The following MARCHF5 variants were observed in gnomAD, a reference collection of about 807,000 sequenced individuals.
The protein encoded by MARCHF5 is E3 ubiquitin-protein ligase MARCHF5.
MARCHF5 carries 5 observed loss-of-function variants against 36.5 expected under a neutral mutation model. The observed-to-expected ratio is 0.14, with a 90% CI of 0.07 to 0.29. MARCHF5 has a LOEUF of 0.29. MARCHF5 is among the 10% of genes least tolerant of loss of function. The pLI is 1.00. For missense variants in MARCHF5, 179 were observed against 336.3 expected (o/e 0.53, Z 3.66); for synonymous variants, 103 against 109.9 (o/e 0.94, Z 0.39).
intron 2 of MARCHF5, among the ~76,000 whole-genome samples, chr10:92,339,165 C>G (rs6583809): frequency 6.6e-6 from 1 of 152,104 alleles, no homozygotes; most frequent in African/African-American, 2.4e-5. Context: ...AGGTCGGGAG[C>G]TCAAGACCAA....
intron 1 of MARCHF5, among the ~76,000 whole-genome samples, chr10:92,307,531 G>C (rs1843090709): frequency 6.6e-6 from 1 of 152,002 alleles, no homozygotes; most frequent in South Asian, 2.1e-4. Flanking sequence ...TTTGAGACTG[G>C]TCTAGGCAAC....
At chr10:92,303,585 T>C (rs1023322470) in intron 1 of MARCHF5, among the ~76,000 whole-genome samples, 2 of 152,150 alleles carry the variant, frequency 1.3e-5, no homozygotes, top group Non-Finnish European at 2.9e-5. Flanking sequence ...GTTCCTTACA[T>C]GTAGTTCCTT....
intron 3 of MARCHF5, among the ~76,000 whole-genome samples, chr10:92,346,558 G>A (rs1015640486): frequency 7.6e-6 from 1 of 131,808 alleles, no homozygotes; most frequent in African/African-American, 2.8e-5. Flanking sequence ...GTGCAATCTC[G>A]GCTCACTGCA....
chr10:92,324,469 C>G (rs750871260), intron 2 of MARCHF5, among the ~76,000 whole-genome samples: 2 of 152,188 alleles, frequency 1.3e-5, no homozygotes, highest in African/African-American at 2.4e-5. Context: ...TCATGCCATT[C>G]TCCTGCCTCA....
intron 1 of MARCHF5, among the ~76,000 whole-genome samples, chr10:92,297,563 A>G (rs1042093114): frequency 1.5e-5 from 2 of 134,460 alleles, no homozygotes; most frequent in Non-Finnish European, 3.0e-5. Flanking sequence ...GTCTCGGCTC[A>G]CTGTTGCAAC....
At chr10:92,294,082 C>A (rs1301460486) in intron 1 of MARCHF5, among the ~76,000 whole-genome samples, 2 of 152,098 alleles carry the variant, frequency 1.3e-5, no homozygotes, top group Admixed American at 6.6e-5. Context: ...TAGGGTAGAG[C>A]CTGGGCATCT....
chr10:92,333,731 G>T, intron 2 of MARCHF5: 1 of 793,978 alleles, frequency 1.3e-6, no homozygotes, highest in Non-Finnish European at 1.5e-6. Flanking sequence ...TGAGAAGTTG[G>T]ATTTTTATAC....
chr10:92,315,980 A>C (rs1456742727), intron 2 of MARCHF5, among the ~76,000 whole-genome samples: 1 of 152,238 alleles, frequency 6.6e-6, no homozygotes, highest in African/African-American at 2.4e-5. Context: ...TTTGTGATCA[A>C]AACTTTTATC....
chr10:92,323,967 G>C (rs976984477), intron 2 of MARCHF5, among the ~76,000 whole-genome samples: 1 of 152,220 alleles, frequency 6.6e-6, no homozygotes, highest in African/African-American at 2.4e-5. Flanking sequence ...AGTTTTGTAA[G>C]AAGCCTTGAA....
rs775736039 is a variant in MARCHF5 at position 92,349,337 on chromosome 10, T to C, written c.370-12T>C. ...AAAGAAGTAATTCTAATATATGCTA[T>C]CTGTTTCACAGGTTGTAGGTCATAA... On this transcript the variant is annotated splice_polypyrimidine_tract_variant and intron_variant, in intron 3 of 5. Coordinates refer to ENST00000358935, the MANE Select transcript of MARCHF5 (RefSeq NM_017824.5). The C allele has an allele frequency of 4.4e-6, 7 of 1,580,022 alleles. No individual in the cohort carries two copies. Among genetic ancestry groups the C allele is most frequent in the African/African-American group, 4.1e-5 (3 of 73,568 alleles).
chr10:92,343,074 T>C (rs1843597690), intron 3 of MARCHF5, among the ~76,000 whole-genome samples: 1 of 152,218 alleles, frequency 6.6e-6, no homozygotes, highest in Non-Finnish European at 1.5e-5. Context: ...AACCACTGAC[T>C]TGAACTTTAG....
At chr10:92,306,436 G>A (rs1843073504) in intron 1 of MARCHF5, among the ~76,000 whole-genome samples, 2 of 152,150 alleles carry the variant, frequency 1.3e-5, no homozygotes, top group African/African-American at 4.8e-5. Flanking sequence ...AGGGAAGAGC[G>A]ATTTTCCATA....
At chr10:92,347,516 A>AGATGGAT (rs879847459) in intron 3 of MARCHF5, among the ~76,000 whole-genome samples, 2 of 44,882 alleles carry the variant, frequency 4.5e-5, no homozygotes, top group Admixed American at 2.2e-4. Context: ...ATAGATAGAT[A>AGATGGAT]GATAGATGAT....
chr10:92,333,228 C>CT (rs1356176043), intron 2 of MARCHF5, among the ~76,000 whole-genome samples: 2,099 of 142,332 alleles, frequency 0.015, 41 homozygotes, highest in African/African-American at 0.044. Context: ...ATAATTAATA[C>CT]TTTTTTTTTT....
intron 1 of MARCHF5, among the ~76,000 whole-genome samples, chr10:92,308,806 GC>G (rs1843109930): frequency 6.6e-6 from 1 of 151,006 alleles, no homozygotes; most frequent in South Asian, 2.1e-4. Context: ...CCGGGTTCAC[GC>G]CATTCTCCTG....
intron 2 of MARCHF5, among the ~76,000 whole-genome samples, chr10:92,338,621 C>G (rs1843534557): frequency 6.6e-6 from 1 of 152,158 alleles, no homozygotes; most frequent in African/African-American, 2.4e-5. Context: ...CCTTTGACAT[C>G]TCTTCTAATG....
intron 1 of MARCHF5, among the ~76,000 whole-genome samples, chr10:92,301,270 C>T (rs1290858599): frequency 1.3e-5 from 2 of 152,214 alleles, no homozygotes; most frequent in Admixed American, 1.3e-4. Flanking sequence ...AGGGATTTGC[C>T]TCTCTGGAGG....
At chr10:92,338,031 A>G (rs1174088661) in intron 2 of MARCHF5, among the ~76,000 whole-genome samples, 2 of 150,840 alleles carry the variant, frequency 1.3e-5, no homozygotes, top group Admixed American at 6.6e-5. Flanking sequence ...AAAAATTTAA[A>G]TAAAGAAAAT....
chr10:92,325,060 T>C (rs1197436371), intron 2 of MARCHF5, among the ~76,000 whole-genome samples: 1 of 152,058 alleles, frequency 6.6e-6, no homozygotes, highest in African/African-American at 2.4e-5. Flanking sequence ...GAGTGGTGAG[T>C]GGTGGCTTGT....
Sources: allele counts gnomAD v4.1 joint callset (sites outside exome capture counted in the v4.1 genomes callset), GRCh38; gene constraint gnomAD v4.1.1; transcripts MANE v1.5; gene names NCBI Gene and HGNC (gene_info 2026-07-23, HGNC 2026-07-21).